The following SEC24B variants were observed in gnomAD, a reference collection of about 807,000 sequenced individuals.
The protein encoded by SEC24B is protein transport protein Sec24B.
SEC24B carries 45 observed loss-of-function variants against 142.8 expected under a neutral mutation model. The ratio of observed to expected loss-of-function variants is 0.32; its 90% CI spans 0.25 to 0.40. The LOEUF (loss-of-function observed/expected upper bound fraction) is 0.40. Among genes scored for constraint, SEC24B ranks in the 10% least tolerant of loss-of-function variants. The pLI, the probability that SEC24B is intolerant of heterozygous loss-of-function variation, is 1.00. For synonymous variants in SEC24B, 574 were observed against 568.2 expected, an observed-to-expected ratio of 1.01 and a Z score of -0.15; for missense variants, 1,409 against 1,526.8, an observed-to-expected ratio of 0.92 and a Z score of 1.29.
rs939688611 is a variant in SEC24B, at chr4:109,540,760, G to C, written c.*1085G>C. ...TAGCCAGGGGTGCTGGCGGGCACCT[G>C]TAATCCCAGCTACTCAGGAGGCTGA... On this transcript the variant is annotated 3_prime_UTR_variant, in exon 24 of 24. Transcript: ENST00000265175. 6.6e-6 allele frequency: 1 copy of C among 152,070 alleles called. No homozygotes were observed. The highest frequency in any genetic ancestry group is 2.4e-5 in the African/African-American group (1 of 41,372). 9.4% of individuals were successfully genotyped at this position (152,070 alleles called of 1,614,324 possible).
At position 109,440,780 on chromosome 4, in the gene SEC24B, T is replaced by G. The variant is rs7435314; in HGVS notation, c.133+6778T>G. On this transcript the variant is annotated intron_variant, in intron 1 of 23. Coordinates refer to ENST00000265175, the MANE Select transcript of SEC24B (RefSeq NM_006323.5). Reference sequence around the variant, plus strand: ...TGAGTTTTCTTCATCATATGCCCAGTAGTAGCAGCTTGTAATAGGCACTCA... The same window carrying G: ...TGAGTTTTCTTCATCATATGCCCAGGAGTAGCAGCTTGTAATAGGCACTCA... Among the ~76,000 whole-genome samples, 198 of 152,324 alleles carry G rather than the reference T, an allele frequency of 1.3e-3. 1 individual carries two copies. In the South Asian group the frequency reaches 0.025, roughly 19 times the overall value.
chr4:109,487,021 C>T (rs561739449), intron 4 of SEC24B, among the ~76,000 whole-genome samples: 9 of 151,930 alleles, frequency 5.9e-5, no homozygotes, highest in African/African-American at 1.4e-4. Context: ...AAAGATTAGC[C>T]GGCCGTGGTG....
intron 4 of SEC24B, among the ~76,000 whole-genome samples, chr4:109,483,025 T>C (rs1273899797): frequency 8.5e-6 from 1 of 117,612 alleles, no homozygotes; most frequent in African/African-American, 4.8e-5. Flanking sequence ...ATGTTTTTTA[T>C]ATATGTATTT....
chr4:109,458,688 A>G lies in SEC24B; in HGVS notation c.134-4213A>G, dbSNP rs192683753. Among the ~76,000 whole-genome samples, 4 of 152,362 alleles carry G rather than the reference A, an allele frequency of 2.6e-5. No individual in the cohort carries two copies. In the East Asian group the frequency reaches 7.7e-4, roughly 29 times the overall value. Reference sequence around the variant, plus strand: ...TCAAATCATGCTAAATGAAGGAATCATTTAAAAGATACATTATAATCCCAC... The same window carrying G: ...TCAAATCATGCTAAATGAAGGAATCGTTTAAAAGATACATTATAATCCCAC... On this transcript the variant is annotated intron_variant, in intron 1 of 23. Transcript: ENST00000265175.
At chr4:109,491,451 T>C (rs1170466260) in intron 5 of SEC24B, 44 bp downstream of exon 5, 1 of 1,425,064 alleles carries the variant, frequency 7.0e-7, no homozygotes, top group African/African-American at 1.4e-5. Context: ...TGAAAGTTAT[T>C]GACCATCAGT....
chr4:109,442,026 T>C (rs1425429739), intron 1 of SEC24B, among the ~76,000 whole-genome samples: 1 of 152,228 alleles, frequency 6.6e-6, no homozygotes, highest in Non-Finnish European at 1.5e-5. Flanking sequence ...AATCTGAGAC[T>C]CCTCATTTTT....
chr4:109,491,309 T>C lies in SEC24B; in HGVS notation c.1166-18T>C, dbSNP rs781522126. 7.5e-6 allele frequency: 12 copies of C among 1,592,466 alleles called. No individual in the cohort carries two copies. The highest frequency in any genetic ancestry group is 9.5e-6 in the Non-Finnish European group (11 of 1,162,778). ...TTTGTCATTTTAAACCTAGTAGATA[T>C]TTTGGTTTTCCTTTTAGGTGTTGAC... On this transcript the variant is annotated intron_variant, in intron 4 of 23. Coordinates refer to ENST00000265175, the MANE Select transcript of SEC24B (RefSeq NM_006323.5).
At chr4:109,532,892 A>G (rs925869631) in intron 21 of SEC24B, 149 bp downstream of exon 21, 16 of 555,362 alleles carry the variant, frequency 2.9e-5, no homozygotes, top group South Asian at 2.4e-4. Context: ...CTGGAGGTCA[A>G]TTTACTTTAA....
intron 1 of SEC24B, among the ~76,000 whole-genome samples, chr4:109,434,381 C>T (rs1262394120): frequency 6.6e-6 from 1 of 152,144 alleles, no homozygotes; most frequent in Non-Finnish European, 1.5e-5. Flanking sequence ...GGCGAGTTGC[C>T]CCGAGCGACC....
At chr4:109,493,546 G>A (rs532096983) in intron 5 of SEC24B, among the ~76,000 whole-genome samples, 1 of 151,504 alleles carries the variant, frequency 6.6e-6, no homozygotes, top group South Asian at 2.1e-4. Context: ...TTAAATAAGG[G>A]CATTCATTCA....
At chr4:109,446,460 G>C (rs776294823) in intron 1 of SEC24B, among the ~76,000 whole-genome samples, 2 of 152,172 alleles carry the variant, frequency 1.3e-5, no homozygotes, top group Non-Finnish European at 1.5e-5. Context: ...AACTGATTTT[G>C]GACCTCTGAC....
At chr4:109,452,347 C>T (rs974477857) in intron 1 of SEC24B, among the ~76,000 whole-genome samples, 4 of 152,236 alleles carry the variant, frequency 2.6e-5, no homozygotes, top group Non-Finnish European at 4.4e-5. Context: ...TGGTTGTTTC[C>T]AGTGTTTGGT....
intron 4 of SEC24B, among the ~76,000 whole-genome samples, chr4:109,482,556 A>G (rs1170113608): frequency 6.6e-6 from 1 of 152,180 alleles, no homozygotes; most frequent in Non-Finnish European, 1.5e-5. Context: ...ACTCAAGTCT[A>G]AATACTAAAT....
rs757255267 is a variant in SEC24B at position 109,481,744 on chromosome 4, CGAT to C, written c.1134_1136del (p.Asp378del). 1.2e-6 allele frequency: 2 copies of C among 1,613,686 alleles called. No homozygotes were observed. The highest frequency in any genetic ancestry group is 1.7e-6 in the Non-Finnish European group (2 of 1,179,718). On this transcript the variant is annotated inframe_deletion, in exon 4 of 24. Transcript: ENST00000265175. ...CACCAACTCCCTTGTCATCAACTTC[CGAT>C]GATGAGGAAGAGGAGGAGGAGGATG...
At chr4:109,477,849 C>T (rs915875889) in intron 3 of SEC24B, among the ~76,000 whole-genome samples, 3 of 152,014 alleles carry the variant, frequency 2.0e-5, no homozygotes, top group South Asian at 4.1e-4. Context: ...TAAGAATTGA[C>T]TATATTTTAT....
chr4:109,539,993 T>G lies in SEC24B; in HGVS notation c.*318T>G, dbSNP rs1726016199. 1 of 199,330 alleles carries G rather than the reference T, an allele frequency of 5.0e-6. No homozygotes were observed. Among genetic ancestry groups the G allele is most frequent in the African/African-American group, 2.3e-5 (1 of 43,378 alleles). 12.3% of individuals were successfully genotyped at this position (199,330 alleles called of 1,614,324 possible). On this transcript the variant is annotated 3_prime_UTR_variant, in exon 24 of 24. Transcript: ENST00000265175. The stretch of plus-strand genomic sequence containing the variant: ...TTATGTAGCTATGTGGAATGATATG[T>G]CATAATGTAAAATTAGATAAATTCT...
intron 7 of SEC24B, among the ~76,000 whole-genome samples, chr4:109,509,181 A>G (rs1737038470): frequency 6.6e-6 from 1 of 152,218 alleles, no homozygotes; most frequent in Non-Finnish European, 1.5e-5. Flanking sequence ...TCCAACCTGC[A>G]TGAATGGCAA....
At chr4:109,476,673 G>A (rs891028182) in intron 3 of SEC24B, among the ~76,000 whole-genome samples, 3 of 124,914 alleles carry the variant, frequency 2.4e-5, no homozygotes, top group Non-Finnish European at 3.0e-5. Flanking sequence ...TATTTTCCAG[G>A]TGGTAGTTGT....
chr4:109,510,159 T>A, intron 8 of SEC24B, 48 bp downstream of exon 8: 1 of 915,708 alleles, frequency 1.1e-6, no homozygotes, highest in Non-Finnish European at 1.6e-6. Flanking sequence ...TGTATGCTTA[T>A]GTACAAGGTA....
Sources: gnomAD v4.1 joint callset for allele counts (sites outside exome capture counted in the v4.1 genomes callset) on GRCh38, gnomAD v4.1.1 for gene constraint, MANE v1.5 for transcripts, NCBI Gene and HGNC (gene_info 2026-07-23, HGNC 2026-07-21) for gene names.